The following NTRK2 variants were observed in gnomAD, a reference collection of about 807,000 sequenced individuals.
NTRK2 encodes the protein neurotrophic receptor tyrosine kinase 2.
In NTRK2, 13 loss-of-function variants were observed where a neutral mutation model predicts 94.5. That is an observed-to-expected ratio of 0.14 (90% CI 0.09 to 0.22). NTRK2 has a LOEUF of 0.22. NTRK2 is among the 10% of genes least tolerant of loss of function. The pLI, the probability that NTRK2 is intolerant of heterozygous loss-of-function variation, is 1.00. For missense variants in NTRK2, 639 were observed against 1,071.2 expected (o/e 0.60, Z 5.63); for synonymous variants, 372 against 407.4 (o/e 0.91, Z 1.05).
intron 2 of NTRK2, 107 bp from the exon 3 acceptor site, chr9:84,702,052 G>GGT (rs2060762039): frequency 1.1e-6 from 1 of 918,442 alleles, no homozygotes; most frequent in African/African-American, 1.6e-5. Context: ...GGCTCAGAGT[G>GGT]GTGTGGAGGG....
intron 12 of NTRK2, among the ~76,000 whole-genome samples, chr9:84,846,403 A>T (rs555578101): frequency 6.6e-6 from 1 of 152,314 alleles, no homozygotes; most frequent in South Asian, 2.1e-4. Flanking sequence ...TGGAAATTTA[A>T]TTTTAAGCTG....
At chr9:84,999,927 C>T (rs1364107949) in intron 17 of NTRK2, among the ~76,000 whole-genome samples, 1 of 152,178 alleles carries the variant, frequency 6.6e-6, no homozygotes, top group Non-Finnish European at 1.5e-5. Context: ...CTCCCCAGCC[C>T]AGCAAATGAT....
intron 13 of NTRK2, among the ~76,000 whole-genome samples, chr9:84,864,866 G>A (rs900261738): frequency 4.2e-5 from 6 of 142,822 alleles, no homozygotes; most frequent in Admixed American, 1.5e-4. Context: ...TCAGCCCCCC[G>A]AGTAGTTGGG....
intron 17 of NTRK2, among the ~76,000 whole-genome samples, chr9:85,011,090 T>G (rs1831520113): frequency 6.6e-6 from 1 of 152,064 alleles, no homozygotes; most frequent in South Asian, 2.1e-4. Flanking sequence ...AAGAGATTGC[T>G]CTAAGGTTTG....
chr9:84,930,525 A>G (rs2077986916), intron 14 of NTRK2, among the ~76,000 whole-genome samples: 1 of 152,158 alleles, frequency 6.6e-6, no homozygotes, highest in South Asian at 2.1e-4. Flanking sequence ...CTGAAGTACC[A>G]GGGGATGAGG....
At chr9:84,733,648 A>T (rs1371040884) in intron 9 of NTRK2, among the ~76,000 whole-genome samples, 1 of 152,204 alleles carries the variant, frequency 6.6e-6, no homozygotes, top group African/African-American at 2.4e-5. Context: ...TTGGCTGCTT[A>T]TTCCTGTCCC....
At chr9:84,813,041 A>G (rs756028803) in intron 12 of NTRK2, 1 of 1,036,924 alleles carries the variant, frequency 9.6e-7, no homozygotes, top group Middle Eastern at 4.4e-4. Context: ...TTTGCTTTTT[A>G]TGTCTCCCAT....
chr9:84,683,743 T>A (rs1225062494), intron 2 of NTRK2, among the ~76,000 whole-genome samples: 1 of 152,212 alleles, frequency 6.6e-6, no homozygotes, highest in African/African-American at 2.4e-5. Context: ...TTTCTGAGAC[T>A]AGATCCTTGA....
chr9:84,691,380 T>A (rs1659397), intron 2 of NTRK2, among the ~76,000 whole-genome samples: 1 of 145,076 alleles, frequency 6.9e-6, no homozygotes, highest in Non-Finnish European at 1.5e-5. Flanking sequence ...GGGCTGTAAT[T>A]ATAACAGATA....
intron 12 of NTRK2, among the ~76,000 whole-genome samples, chr9:84,848,785 A>G (rs2074604296): frequency 6.6e-6 from 1 of 152,224 alleles, no homozygotes; most frequent in African/African-American, 2.4e-5. Flanking sequence ...AAAGATTTGC[A>G]TAATTGGTAA....
At chr9:84,947,514 G>A (rs1000828547) in intron 15 of NTRK2, among the ~76,000 whole-genome samples, 3 of 152,236 alleles carry the variant, frequency 2.0e-5, no homozygotes, top group Admixed American at 6.5e-5. Flanking sequence ...AAGGGAGGGA[G>A]GCATGGCCTG....
intron 12 of NTRK2, among the ~76,000 whole-genome samples, chr9:84,845,241 TGTG>T (rs1028454352): frequency 1.7e-4 from 22 of 127,020 alleles, no homozygotes; most frequent in African/African-American, 3.3e-4. Flanking sequence ...TAAAGAAAAA[TGTG>T]GTGTATACAC....
chr9:84,742,789 G>GCT (rs1221783716), intron 10 of NTRK2, among the ~76,000 whole-genome samples: 4 of 103,706 alleles, frequency 3.9e-5, no homozygotes, highest in African/African-American at 1.6e-4. Context: ...CATTATATTA[G>GCT]TTTTTTTTTT....
At chr9:84,931,114 A>C (rs572983340) in intron 14 of NTRK2, among the ~76,000 whole-genome samples, 1 of 152,338 alleles carries the variant, frequency 6.6e-6, no homozygotes, top group African/African-American at 2.4e-5. Flanking sequence ...AGTCTTAAAA[A>C]AGAGAAATTT....
chr9:84,874,969 G>A lies in NTRK2; in HGVS notation c.1633+7538G>A. 3 of 1,055,306 alleles carry A rather than the reference G, an allele frequency of 2.8e-6. No homozygotes were observed. In the African/African-American group the frequency reaches 5.0e-5, roughly 17 times the overall value. The allele number at this position is 1,055,306 out of a possible 1,614,324, so 65.4% of individuals were successfully genotyped here. A position where few individuals can be genotyped will look rare whatever the true frequency, so the allele number is the denominator to read the frequency against. ...AAAATGCCTTCAAGTGCCCTAAAAT[G>A]GGTATTTTAAAATAAGAATAAATAA... On this transcript the variant is annotated intron_variant, in intron 14 of 18. Coordinates refer to ENST00000277120, the MANE Select transcript of NTRK2 (RefSeq NM_006180.6).
At chr9:84,870,246 A>G (rs1444679243) in intron 14 of NTRK2, among the ~76,000 whole-genome samples, 1 of 140,892 alleles carries the variant, frequency 7.1e-6, no homozygotes, top group South Asian at 2.2e-4. Context: ...ATATAAGTAT[A>G]TGTACACATA....
At chr9:84,879,871 C>T (rs2076203499) in intron 14 of NTRK2, among the ~76,000 whole-genome samples, 2 of 152,114 alleles carry the variant, frequency 1.3e-5, no homozygotes, top group South Asian at 4.2e-4. Context: ...GGGTGCTGAA[C>T]TTACTGATAA....
intron 12 of NTRK2, among the ~76,000 whole-genome samples, chr9:84,856,622 ACTC>A (rs2075079355): frequency 6.6e-6 from 1 of 151,620 alleles, no homozygotes; most frequent in Non-Finnish European, 1.5e-5. Context: ...CAGCCCGGGG[ACTC>A]CTCTTTCAAA....
chr9:84,763,544 T>C (rs1208152828), intron 12 of NTRK2, among the ~76,000 whole-genome samples: 2 of 151,998 alleles, frequency 1.3e-5, no homozygotes, highest in Non-Finnish European at 2.9e-5. Context: ...ATTCATACAC[T>C]CAACACCTAG....
Sources: allele counts gnomAD v4.1 joint callset (sites outside exome capture counted in the v4.1 genomes callset), GRCh38; gene constraint gnomAD v4.1.1; transcripts MANE v1.5; gene names NCBI Gene and HGNC (gene_info 2026-07-23, HGNC 2026-07-21).